Variants in PLEKHG5 observed in about 807,000 individuals in gnomAD.
PLEKHG5 encodes pleckstrin homology domain-containing family G member 5.
PLEKHG5 carries 52 observed loss-of-function variants against 103.8 expected under a neutral mutation model. The observed-to-expected ratio is 0.50, with a 90% CI of 0.40 to 0.63. PLEKHG5 has a LOEUF of 0.63. Ranked by LOEUF, PLEKHG5 falls within the 30% of genes least tolerant of loss-of-function variation. PLEKHG5 has a pLI of 0.00. For synonymous variants in PLEKHG5, 592 were observed against 575.5 expected (o/e 1.03, Z -0.41); for missense variants, 1,205 against 1,347.6 (o/e 0.89, Z 1.66).
chr1:6,469,122 TTCCTCCTCC>T lies in PLEKHG5; in HGVS notation c.2160_2168del (p.Glu721_Glu723del), dbSNP rs113541584. 1.7e-5 allele frequency: 27 copies of T among 1,590,576 alleles called. No homozygotes were observed. Among genetic ancestry groups the T allele is most frequent in the South Asian group, 6.6e-5 (6 of 90,468 alleles). On this transcript the variant is annotated inframe_deletion, in exon 19 of 21. Transcript: ENST00000377728. ...CAGCTGAAGTGCCACTGTCCTCGCC[TTCCTCCTCC>T]TCCTCCTCCTCCTCCTCTTCCTCCT...
upstream of PLEKHG5, chr1:6,496,945 C>T (rs1645234356): frequency 6.6e-7 from 1 of 1,520,512 alleles, no homozygotes; most frequent in South Asian, 1.2e-5. Flanking sequence ...ATCCCAGATC[C>T]CTGAGAACCT....
upstream of PLEKHG5, among the ~76,000 whole-genome samples, chr1:6,498,442 C>T (rs1476161981): frequency 2.0e-5 from 3 of 152,182 alleles, no homozygotes; most frequent in East Asian, 5.8e-4. Flanking sequence ...TAGCACGGAT[C>T]CCGGGTCTCC....
chr1:6,517,250 T>C (rs1014105750), intron 1 of PLEKHG5, among the ~76,000 whole-genome samples: 19 of 144,602 alleles, frequency 1.3e-4, no homozygotes, highest in Non-Finnish European at 2.5e-4. Context: ...GAGGTTACAG[T>C]GAGCCGAGAT....
At position 6,474,473 on chromosome 1, in the gene PLEKHG5, C is replaced by T. The variant is rs1402764615; in HGVS notation, c.417G>A (p.Gly139=). The change falls in exon 6 of 21, where the codon GGG becomes GGA. Residue 139 remains glycine, a synonymous_variant. Transcript: ENST00000377728. The part of the protein sequence containing the change: ...LSLTFEAYRF[G]GHYLRVKAPA... ...CACCTTTGACACGAAGGTAGTGTCC[C>T]CCGAACCTGTAGGCCTCGAAGGTGA... 5 of 1,613,818 alleles carry T rather than the reference C, an allele frequency of 3.1e-6. No homozygotes were observed. The highest frequency in any genetic ancestry group is 1.6e-4 in the Middle Eastern group (1 of 6,080).
intron 1 of PLEKHG5, among the ~76,000 whole-genome samples, chr1:6,510,331 G>A (rs1278805489): frequency 1.3e-5 from 2 of 151,896 alleles, no homozygotes; most frequent in Non-Finnish European, 2.9e-5. Flanking sequence ...AGTGGCTCAC[G>A]CCTGTAATCC....
rs1263076088 is a variant in PLEKHG5 at position 6,486,712 on chromosome 1, G to A, written c.-88+4925C>T. On this transcript the variant is annotated intron_variant, in intron 1 of 20. Transcript: ENST00000377728. The surrounding 1 kb of genome is among the most constrained non-coding windows in gnomAD (Gnocchi z 5.3). ...TCTGGTGCTGGAGTCACCACTACACGGCTGTCAAAGCGCTTTTACACTGAT... is the reference window on the plus strand; with the variant it reads ...TCTGGTGCTGGAGTCACCACTACACAGCTGTCAAAGCGCTTTTACACTGAT... Among the ~76,000 whole-genome samples, 2 of 152,250 alleles carry A rather than the reference G, an allele frequency of 1.3e-5. No homozygotes were observed. Among genetic ancestry groups the A allele is most frequent in the East Asian group, 1.9e-4 (1 of 5,196 alleles).
intron 1 of PLEKHG5, among the ~76,000 whole-genome samples, chr1:6,514,178 G>A (rs1301291805): frequency 6.6e-6 from 1 of 152,134 alleles, no homozygotes; most frequent in Non-Finnish European, 1.5e-5. Context: ...TTAAAAATTA[G>A]CCAGGCATGG....
At chr1:6,499,785 T>C (rs191667233), upstream of PLEKHG5, among the ~76,000 whole-genome samples, 26 of 152,234 alleles carry the variant, frequency 1.7e-4, no homozygotes, top group African/African-American at 4.6e-4. Context: ...GCTGGGTTTT[T>C]CTTAATTTAA....
chr1:6,516,169 C>T (rs1052247091), intron 1 of PLEKHG5, among the ~76,000 whole-genome samples: 37 of 152,314 alleles, frequency 2.4e-4, no homozygotes, highest in African/African-American at 8.9e-4. Context: ...GTGGCACACA[C>T]CCAGCTATTC....
At position 6,473,254 on chromosome 1, in the gene PLEKHG5, G is replaced by A. The variant is rs1310545508; in HGVS notation, c.792C>T (p.Gly264=). The stretch of plus-strand genomic sequence containing the variant: ...CTGGGCAGATGGGGCCACATACCCG[G>A]CCAAAGGCGCTGGTGCTGGGGCCGG... ...FSSGPSTSAF[G]REVDKMEQLE... Residue 264 remains glycine (G), a synonymous_variant, in exon 8 of 21, where the codon GGC becomes GGT. Coordinates refer to ENST00000377728, the MANE Select transcript of PLEKHG5 (RefSeq NM_020631.6). The A allele has an allele frequency of 6.2e-7, 1 of 1,610,670 alleles. No homozygotes were observed.
chr1:6,494,726 C>T (rs1645198556), upstream of PLEKHG5, among the ~76,000 whole-genome samples: 1 of 152,238 alleles, frequency 6.6e-6, no homozygotes, highest in Non-Finnish European at 1.5e-5. Flanking sequence ...GCCCCCTCCT[C>T]CAGGATGCCC....
chr1:6,473,485 C>T (rs1450086376), intron 7 of PLEKHG5, 31 bp from the exon 8 acceptor site: 1 of 1,479,704 alleles, frequency 6.8e-7, no homozygotes, highest in East Asian at 2.5e-5. Flanking sequence ...AGGGCCGGGA[C>T]CCCCTGCCAG....
chr1:6,499,210 CG>C (rs1471976914), upstream of PLEKHG5, among the ~76,000 whole-genome samples: 1 of 152,188 alleles, frequency 6.6e-6, no homozygotes, highest in Non-Finnish European at 1.5e-5. Context: ...CTGAAGGCTC[CG>C]GGCCATGTCT....
Position 6,471,010 on chromosome 1 carries a change from G to C in PLEKHG5, c.1372C>G (p.Leu458Val), listed in dbSNP as rs1213359900. The stretch of plus-strand genomic sequence containing the variant: ...CTCACCGTGATGTAGGCCCGGAAGA[G>C]GTCGTTGTCGCGCAGCAGGCCGCGC... ...YMRGLLRDND[L>V]FRAYITWAEK... Residue 458 changes from leucine to valine, a missense_variant, in exon 13 of 21, where the codon CTC (leucine) becomes GTC (valine). Coordinates refer to ENST00000377728, the MANE Select transcript of PLEKHG5 (RefSeq NM_020631.6). The C allele has an allele frequency of 4.4e-6, 7 of 1,605,386 alleles. No individual in the cohort carries two copies. The highest frequency in any genetic ancestry group is 3.4e-5 in the Admixed American group (2 of 59,396).
chr1:6,511,256 C>G (rs920806195), intron 1 of PLEKHG5, among the ~76,000 whole-genome samples: 1 of 152,158 alleles, frequency 6.6e-6, no homozygotes, highest in South Asian at 2.1e-4. Context: ...CCTTAGCCCC[C>G]AACACCCTCC....
chr1:6,507,682 A>G (rs1331369002), intron 1 of PLEKHG5, among the ~76,000 whole-genome samples: 2 of 152,196 alleles, frequency 1.3e-5, no homozygotes, highest in Non-Finnish European at 2.9e-5. Context: ...GTGGCCATCC[A>G]GGCAGCCTGC....
At chr1:6,481,093 C>T (rs905039284) in intron 1 of PLEKHG5, among the ~76,000 whole-genome samples, 1 of 152,152 alleles carries the variant, frequency 6.6e-6, no homozygotes, top group African/African-American at 2.4e-5. Context: ...AGCTAGATGA[C>T]AACAATGGCC....
At chr1:6,496,457 G>A (rs1310203451), upstream of PLEKHG5, 2 of 1,505,258 alleles carry the variant, frequency 1.3e-6, no homozygotes, top group East Asian at 2.3e-5. Context: ...TGGCCCCTCT[G>A]CCCCCGAGGG....
In PLEKHG5 at chr1:6,468,380, T is replaced by C. The variant is rs967921793; in HGVS notation, c.2456A>G (p.Tyr819Cys). ...DGRSCSMDSA[Y>C]GTLSPTSLQD... is the part of the protein sequence containing the mutation. ...TAAGGAGGTTGGGGAGAGGGTGCCG[T>C]AGGCAGAGTCCATGGAGCAGGAGCG... The change falls in exon 20 of 21, where the codon TAC becomes TGC. Residue 819 changes from tyrosine to cysteine, a missense_variant. Transcript: ENST00000377728. 6.2e-7 allele frequency: 1 copy of C among 1,609,874 alleles called. No homozygotes were observed. Among genetic ancestry groups the C allele is most frequent in the African/African-American group, 1.3e-5 (1 of 74,872 alleles).
Sources: gnomAD v4.1 joint callset for allele counts (sites outside exome capture counted in the v4.1 genomes callset) on GRCh38, gnomAD v4.1.1 for gene constraint, Gnocchi (gnomAD v3.1) non-coding constraint, MANE v1.5 for transcripts, NCBI Gene and HGNC (gene_info 2026-07-23, HGNC 2026-07-21) for gene names.